ZNF99: variants seen among roughly 807,000 people sequenced by gnomAD.
ZNF99 encodes the protein zinc finger protein 99, also known as zinc finger protein ENSP00000375192.
Under a neutral mutation model 12.8 loss-of-function variants are expected in ZNF99, and 8 were observed. The ratio of observed to expected loss-of-function variants is 0.62; its 90% CI spans 0.37 to 1.13. The LOEUF (loss-of-function observed/expected upper bound fraction) is 1.13. Among genes scored for constraint, ZNF99 ranks in the 50% most tolerant of loss-of-function variants. ZNF99 has a pLI of 0.02. For missense variants in ZNF99, 1,007 were observed against 1,006.2 expected, an observed-to-expected ratio of 1.00 and a Z score of -0.01; for synonymous variants, 318 against 319.0, an observed-to-expected ratio of 1.00 and a Z score of 0.03.
chr19:22,762,231 T>C (rs1973158183), intron 3 of ZNF99, among the ~76,000 whole-genome samples: 1 of 151,820 alleles, frequency 6.6e-6, no homozygotes, highest in South Asian at 2.1e-4. Flanking sequence ...TAAATACAAT[T>C]GATAGACCAT....
At chr19:22,774,221 T>C (rs1367761825) in intron 1 of ZNF99, 1 of 152,228 alleles carries the variant, frequency 6.6e-6, no homozygotes, top group Non-Finnish European at 1.5e-5. Context: ...GAAAATACTA[T>C]CTTAAAAAGA....
In ZNF99 at chr19:22,784,140, A is replaced by G; in HGVS notation, c.-124T>C. ...GAGATCCGGAGCTCCAGCTGGAACC[A>G]GAAACAACGGCCCCGCCACATCCCA... On this transcript the variant is annotated 5_prime_UTR_variant, in exon 1 of 4. Transcript: ENST00000596209. 1.9e-6 allele frequency: 2 copies of G among 1,076,210 alleles called. No homozygotes were observed. The highest frequency in any genetic ancestry group is 2.6e-5 in the East Asian group (1 of 38,728). 66.7% of individuals were successfully genotyped at this position (1,076,210 alleles called of 1,614,324 possible).
In ZNF99 at chr19:22,755,655, T is replaced by G; in HGVS notation, c.*1659A>C. Reference sequence around the variant, plus strand: ...CCAAGATAAATTATTTTATGTTGAGTAAAGTTTGAGGACTGGTTAAAAGCT... The same window carrying G: ...CCAAGATAAATTATTTTATGTTGAGGAAAGTTTGAGGACTGGTTAAAAGCT... On this transcript the variant is annotated 3_prime_UTR_variant, in exon 4 of 4. Coordinates refer to ENST00000596209, the MANE Select transcript of ZNF99 (RefSeq NM_001080409.3). 3.5e-6 allele frequency: 1 copy of G among 283,120 alleles called. No homozygotes were observed. Among genetic ancestry groups the G allele is most frequent in the Non-Finnish European group, 7.3e-6 (1 of 137,670 alleles). 17.5% of individuals were successfully genotyped at this position (283,120 alleles called of 1,614,324 possible).
At position 22,758,010 on chromosome 19, in the gene ZNF99, G is replaced by T; in HGVS notation, c.1899C>A (p.Ser633=). 6.2e-7 allele frequency: 1 copy of T among 1,611,190 alleles called. No homozygotes were observed. Among genetic ancestry groups the T allele is most frequent in the South Asian group, 1.1e-5 (1 of 90,886 alleles). The change falls in exon 4 of 4, where the codon TCC becomes TCA. Residue 633 remains serine (S), a synonymous_variant. Coordinates refer to ENST00000596209, the MANE Select transcript of ZNF99 (RefSeq NM_001080409.3). ...TTATCTCATGTTTTCTAAGGGTTGA[G>T]GACTGGCTAAAAGCTTTGCCACATT... ...CEECGKAFSQ[S]STLRKHEIIH...
chr19:22,756,187 GAC>G lies in ZNF99; in HGVS notation c.*1125_*1126del. ...GGTTTGTAAAATGGTTGAAAGCTTT[GAC>G]ACATTCTTCACATTTTTAGGGCTTC... On this transcript the variant is annotated 3_prime_UTR_variant, in exon 4 of 4. Transcript: ENST00000596209. 1 of 1,555,130 alleles carries G rather than the reference GAC, an allele frequency of 6.4e-7. No homozygotes were observed. The highest frequency in any genetic ancestry group is 8.7e-7 in the Non-Finnish European group (1 of 1,144,792).
At chr19:22,764,048 A>T (rs1973178790) in intron 3 of ZNF99, among the ~76,000 whole-genome samples, 1 of 151,064 alleles carries the variant, frequency 6.6e-6, no homozygotes, top group Non-Finnish European at 1.5e-5. Flanking sequence ...AGCTGGGATT[A>T]CAGGTGCCTG....
chr19:22,768,535 T>G (rs1212559732), intron 2 of ZNF99, 135 bp from the exon 3 acceptor site: 2 of 718,486 alleles, frequency 2.8e-6, no homozygotes, highest in Non-Finnish European at 4.2e-6. Flanking sequence ...TCTAAATATT[T>G]AGAAAATATT....
At position 22,759,617 on chromosome 19, in the gene ZNF99, T is replaced by C. The variant is rs758110458; in HGVS notation, c.292A>G (p.Ile98Val). 5.0e-6 allele frequency: 8 copies of C among 1,597,736 alleles called. No homozygotes were observed. In the South Asian group the frequency reaches 9.2e-5, roughly 18 times the overall value. ...CATCTTGCATATGTTCTCAATATTATTTCTTGGAAAGAATCTTTTATGCTC... is the reference window on the plus strand; with the variant it reads ...CATCTTGCATATGTTCTCAATATTACTTCTTGGAAAGAATCTTTTATGCTC... ...DQSIKDSFQE[I>V]ILRTYARCGH... The change falls in exon 4 of 4, where the codon ATA becomes GTA. Residue 98 changes from isoleucine to valine, a missense_variant. By Grantham distance (29) the Ile-to-Val change is conservative (BLOSUM62 3). Coordinates refer to ENST00000596209, the MANE Select transcript of ZNF99 (RefSeq NM_001080409.3).
rs1324591576 is a variant in ZNF99 at position 22,757,660 on chromosome 19, A to T, written c.2249T>A (p.Val750Glu). 1 of 1,608,784 alleles carries T rather than the reference A, an allele frequency of 6.2e-7. No individual in the cohort carries two copies. The highest frequency in any genetic ancestry group is 1.1e-5 in the South Asian group (1 of 90,940). Residue 750 changes from valine (V) to glutamate (E), a missense_variant, in exon 4 of 4, where the codon GTA becomes GAA. Val to Glu is a moderately radical substitution (Grantham distance 121). Transcript: ENST00000596209. ...CTCTGCAGTATGAATTACCTTATGT[A>T]CAGTAAGTTTTGAGGACCACTTAAA... ...KAFKWSSKLT[V>E]HKVIHTAEKP...
Position 22,753,669 on chromosome 19 carries a change from A to G in ZNF99, c.*3645T>C, listed in dbSNP as rs1973003145. The G allele has an allele frequency of 6.4e-6, 1 of 155,978 alleles. No homozygotes were observed. The highest frequency in any genetic ancestry group is 1.4e-5 in the Non-Finnish European group (1 of 70,490). 9.7% of individuals were successfully genotyped at this position (155,978 alleles called of 1,614,324 possible). On this transcript the variant is annotated 3_prime_UTR_variant, in exon 4 of 4. Transcript: ENST00000596209. ...TACTCTTCACCATTCTAAGGTTTAT[A>G]TTTTCTAAAAGATATTCTCACAGTA...
At chr19:22,762,914 G>A (rs1461963712) in intron 3 of ZNF99, among the ~76,000 whole-genome samples, 2 of 152,060 alleles carry the variant, frequency 1.3e-5, no homozygotes, top group Non-Finnish European at 2.9e-5. Flanking sequence ...TGCAGAAAAA[G>A]CATTCAACAA....
chr19:22,778,776 T>C (rs1973355431), intron 1 of ZNF99, among the ~76,000 whole-genome samples: 1 of 151,844 alleles, frequency 6.6e-6, no homozygotes, highest in Admixed American at 6.6e-5. Flanking sequence ...GAGGCCAAGG[T>C]GGGCGATCAC....
chr19:22,771,811 G>C (rs1330577343), intron 1 of ZNF99, among the ~76,000 whole-genome samples: 1 of 138,812 alleles, frequency 7.2e-6, no homozygotes, highest in Non-Finnish European at 1.5e-5. Flanking sequence ...TCTGCCTCCC[G>C]GGTTCAAGCG....
intron 1 of ZNF99, among the ~76,000 whole-genome samples, chr19:22,775,330 T>C (rs531609071): frequency 1.1e-3 from 163 of 152,290 alleles, no homozygotes; most frequent in African/African-American, 3.7e-3. Context: ...ATTTAATAAA[T>C]GGTACTGGGA....
intron 3 of ZNF99, among the ~76,000 whole-genome samples, chr19:22,761,799 A>G (rs1334174118): frequency 6.6e-6 from 1 of 152,208 alleles, no homozygotes; most frequent in Non-Finnish European, 1.5e-5. Context: ...CTCTCAGACC[A>G]CAGTGGAATA....
chr19:22,769,287 G>A lies in ZNF99; in HGVS notation c.41C>T (p.Ala14Val). The A allele has an allele frequency of 6.2e-7, 1 of 1,609,798 alleles. No individual in the cohort carries two copies. The highest frequency in any genetic ancestry group is 8.5e-7 in the Non-Finnish European group (1 of 1,177,774). Residue 14 changes from alanine (A) to valine (V), a missense_variant, in exon 2 of 4, where the codon GCT becomes GTT. Physicochemically the swap from Ala to Val is moderately conservative, Grantham distance 64 (BLOSUM62 0). Coordinates refer to ENST00000596209, the MANE Select transcript of ZNF99 (RefSeq NM_001080409.3). ...GTCCAGGCATTGCCACTCCTCCAGAGCGAATTCTATGGTCACATCCCAAAA... is the reference window on the plus strand; with the variant it reads ...GTCCAGGCATTGCCACTCCTCCAGAACGAATTCTATGGTCACATCCCAAAA... ...LTFWDVTIEF[A>V]LEEWQCLDMA...
rs779098214 is a variant in ZNF99, at chr19:22,757,450, T to C, written c.2459A>G (p.Glu820Gly). Reference protein sequence around the residue: ...IHTGEKSYKCEECGKAFQWSS... With the variant: ...IHTGEKSYKCGECGKAFQWSS... The stretch of plus-strand genomic sequence containing the variant: ...CCACTGAAAAGCTTTACCACATTCT[T>C]CACATTTGTAGGATTTCTCTCCAGT... Residue 820 changes from glutamate (E) to glycine (G), a missense_variant, in exon 4 of 4, where the codon GAA (glutamate) becomes GGA (glycine). Physicochemically the swap from Glu to Gly is moderately conservative, Grantham distance 98 (BLOSUM62 -2). Transcript: ENST00000596209. 6.2e-7 allele frequency: 1 copy of C among 1,610,954 alleles called. No homozygotes were observed. The highest frequency in any genetic ancestry group is 8.5e-7 in the Non-Finnish European group (1 of 1,179,610).
chr19:22,765,576 T>A (rs1022561605), intron 3 of ZNF99, among the ~76,000 whole-genome samples: 7 of 151,914 alleles, frequency 4.6e-5, no homozygotes, highest in Non-Finnish European at 1.0e-4. Context: ...TAAAAAAAAT[T>A]CTTAATCCAT....
rs778755066 is a variant in ZNF99 at position 22,754,416 on chromosome 19, C to G, written c.*2898G>C. The G allele has an allele frequency of 1.5e-5, 6 of 400,242 alleles. No homozygotes were observed. Among genetic ancestry groups the G allele is most frequent in the Non-Finnish European group, 2.9e-5 (6 of 205,600 alleles). The allele number at this position is 400,242 out of a possible 1,614,324, so 24.8% of individuals were successfully genotyped here. A position where few individuals can be genotyped will look rare whatever the true frequency, so the allele number is the denominator to read the frequency against. On this transcript the variant is annotated 3_prime_UTR_variant, in exon 4 of 4. Coordinates refer to ENST00000596209, the MANE Select transcript of ZNF99 (RefSeq NM_001080409.3). ...CATTCTTCACATTTGTAGAATTTCTCTACAACATAAATTATCTTATGTGTA... is the reference window on the plus strand; with the variant it reads ...CATTCTTCACATTTGTAGAATTTCTGTACAACATAAATTATCTTATGTGTA...
Sources: allele counts gnomAD v4.1 joint callset (sites outside exome capture counted in the v4.1 genomes callset), GRCh38; gene constraint gnomAD v4.1.1; transcripts MANE v1.5; gene names NCBI Gene and HGNC (gene_info 2026-07-23, HGNC 2026-07-21).